The following TRAF3 variants were observed in gnomAD, a reference collection of about 807,000 sequenced individuals.
TRAF3 encodes TNF receptor-associated factor 3.
TRAF3 carries 13 observed loss-of-function variants against 62.3 expected under a neutral mutation model. The observed-to-expected ratio is 0.21, with a 90% confidence interval of 0.14 to 0.33. TRAF3 has a LOEUF of 0.33. Ranked by LOEUF, TRAF3 falls within the 10% of genes least tolerant of loss-of-function variation. The pLI, the probability that TRAF3 is intolerant of heterozygous loss-of-function variation, is 1.00. For synonymous variants in TRAF3, 269 were observed against 283.4 expected (o/e 0.95, Z 0.51); for missense variants, 440 against 741.8 (o/e 0.59, Z 4.73).
At chr14:102,812,265 C>G (rs1056783369) in intron 1 of TRAF3, among the ~76,000 whole-genome samples, 7 of 151,982 alleles carry the variant, frequency 4.6e-5, no homozygotes, top group Admixed American at 1.3e-4. Context: ...GTTTAACTTT[C>G]TGTTTTTGGC....
chr14:102,799,029 T>C (rs12436181), intron 1 of TRAF3, among the ~76,000 whole-genome samples: 77,586 of 152,100 alleles, frequency 0.51, 22,563 homozygotes, highest in South Asian at 0.74. Flanking sequence ...TTTAACCAAA[T>C]GAGCTTCTGC....
chr14:102,856,637 A>T (rs1197161589), intron 2 of TRAF3, among the ~76,000 whole-genome samples: 1 of 152,066 alleles, frequency 6.6e-6, no homozygotes, highest in Admixed American at 6.6e-5. Context: ...ACCTCCTGGG[A>T]ATGTAGCCCA....
At chr14:102,871,751 C>G (rs1485186617) in intron 3 of TRAF3, among the ~76,000 whole-genome samples, 166 bp from the exon 4 acceptor site, 2 of 152,198 alleles carry the variant, frequency 1.3e-5, no homozygotes, top group Non-Finnish European at 2.9e-5. Flanking sequence ...GCCCTTTTCT[C>G]CCATGGCTTC....
At chr14:102,822,138 C>A (rs185741914) in intron 1 of TRAF3, among the ~76,000 whole-genome samples, 1 of 151,892 alleles carries the variant, frequency 6.6e-6, no homozygotes, top group African/African-American at 2.4e-5. Context: ...ATGTTTTCTT[C>A]GGGATTAAAA....
Position 102,897,001 on chromosome 14 carries a change from G to A in TRAF3, c.820-260G>A, listed in dbSNP as rs537147742. 9.2e-5 allele frequency among the ~76,000 whole-genome samples: 14 copies of A among 152,272 alleles called. No homozygotes were observed. In the South Asian group the frequency reaches 2.7e-3, roughly 29 times the overall value. ...AAGTGGGAGGATCACTTGAGCCCAG[G>A]AGGTCAAGGCTGCAGTGAGCTATGA... On this transcript the variant is annotated intron_variant, in intron 9 of 11. Coordinates refer to ENST00000392745, the MANE Select transcript of TRAF3 (RefSeq NM_145725.3).
intron 1 of TRAF3, among the ~76,000 whole-genome samples, chr14:102,804,574 A>G (rs1399205190): frequency 2.0e-5 from 3 of 151,956 alleles, no homozygotes; most frequent in Non-Finnish European, 1.5e-5. Context: ...AGGAGCATCA[A>G]CCTCCTGGGC....
At chr14:102,783,715 T>G (rs1316817902) in intron 1 of TRAF3, among the ~76,000 whole-genome samples, 2 of 152,226 alleles carry the variant, frequency 1.3e-5, no homozygotes, top group African/African-American at 4.8e-5. Context: ...AATCCCACTG[T>G]GTATCCCTGG....
chr14:102,854,378 C>T (rs1887236073), intron 2 of TRAF3, among the ~76,000 whole-genome samples: 1 of 152,198 alleles, frequency 6.6e-6, no homozygotes, highest in Non-Finnish European at 1.5e-5. Context: ...ACAAGGGCTG[C>T]ACCATTTTAC....
rs951338381 is a variant in TRAF3, at chr14:102,904,953, A to G, written c.1136-260A>G. On this transcript the variant is annotated intron_variant, in intron 11 of 11. Transcript: ENST00000392745. ...ATGGCGAAACCCTGTCCCTACTAAAAATACAAAAATTAGCCAGGCGTGGTG... is the reference window on the plus strand; with the variant it reads ...ATGGCGAAACCCTGTCCCTACTAAAGATACAAAAATTAGCCAGGCGTGGTG... Among the ~76,000 whole-genome samples, 4 of 152,032 alleles carry G rather than the reference A, an allele frequency of 2.6e-5. No homozygotes were observed. In the South Asian group the frequency reaches 8.3e-4, roughly 32 times the overall value.
intron 1 of TRAF3, among the ~76,000 whole-genome samples, chr14:102,784,793 T>G (rs1024258771): frequency 2.0e-5 from 3 of 152,046 alleles, no homozygotes; most frequent in Non-Finnish European, 4.4e-5. Context: ...CAACCTGGGT[T>G]AGGAGGAGGC....
In TRAF3 at chr14:102,910,696, G is replaced by A. The variant is rs1411127395; in HGVS notation, c.*4912G>A. On this transcript the variant is annotated 3_prime_UTR_variant, in exon 12 of 12. Transcript: ENST00000392745. ...GCCGTCTCGGGGCTGGCAGGTGTGC[G>A]GGTGAGGAGGCCCCGGTGGCCAAGC... is the stretch of plus-strand genomic sequence containing the variant. 5 of 152,342 alleles carry A rather than the reference G, an allele frequency of 3.3e-5. No homozygotes were observed. Among genetic ancestry groups the A allele is most frequent in the South Asian group, 4.1e-4 (2 of 4,838 alleles). The allele number at this position is 152,342 out of a possible 1,614,324, so 9.4% of individuals were successfully genotyped here. A position where few individuals can be genotyped will look rare whatever the true frequency, so the allele number is the denominator to read the frequency against.
At chr14:102,868,598 T>C (rs1888147108) in intron 2 of TRAF3, among the ~76,000 whole-genome samples, 1 of 152,218 alleles carries the variant, frequency 6.6e-6, no homozygotes, top group Non-Finnish European at 1.5e-5. Flanking sequence ...CTGGCCGACA[T>C]TCCCAAGGTT....
rs1009662947 is a variant in TRAF3 at position 102,822,772 on chromosome 14, A to G, written c.-156-7562A>G. 2.6e-5 allele frequency among the ~76,000 whole-genome samples: 4 copies of G among 152,160 alleles called. No individual in the cohort carries two copies. The East Asian group carries it at 5.8e-4, about 22-fold the overall frequency. ...TGTAATCCCAGCACTTTGGGAGGTG[A>G]AGGCGGGTGGATCACCTGAGGTCAG... is the stretch of plus-strand genomic sequence containing the variant. On this transcript the variant is annotated intron_variant, in intron 1 of 11. Coordinates refer to ENST00000392745, the MANE Select transcript of TRAF3 (RefSeq NM_145725.3).
chr14:102,884,471 A>G (rs1372593522), intron 6 of TRAF3, among the ~76,000 whole-genome samples: 1 of 152,198 alleles, frequency 6.6e-6, no homozygotes, highest in Non-Finnish European at 1.5e-5. Flanking sequence ...TCACAGGAAA[A>G]GAAATAGAAA....
chr14:102,905,898 C>A lies in TRAF3; in HGVS notation c.*114C>A, dbSNP rs908700525. ...AAAGGACCTTGTGAGACGGAGGAAG[C>A]GGCAGAAGGCGGACGCGTGCCGGCG... On this transcript the variant is annotated 3_prime_UTR_variant, in exon 12 of 12. Transcript: ENST00000392745. The A allele has an allele frequency of 4.6e-5, 45 of 982,568 alleles. No individual in the cohort carries two copies. The highest frequency in any genetic ancestry group is 1.0e-5 in the Non-Finnish European group (7 of 666,844). The allele number at this position is 982,568 out of a possible 1,614,324, so 60.9% of individuals were successfully genotyped here.
In TRAF3 at chr14:102,871,436, C is replaced by T. The variant is rs563349235; in HGVS notation, c.246-481C>T. ...CTTCCCGGTGGAGGAGGGGCTGGAGCCCCCATATATGGTGGGCCACAGGGG... is the reference window on the plus strand; with the variant it reads ...CTTCCCGGTGGAGGAGGGGCTGGAGTCCCCATATATGGTGGGCCACAGGGG... On this transcript the variant is annotated intron_variant, in intron 3 of 11. Coordinates refer to ENST00000392745, the MANE Select transcript of TRAF3 (RefSeq NM_145725.3). Among the ~76,000 whole-genome samples, 8 of 152,286 alleles carry T rather than the reference C, an allele frequency of 5.3e-5. No homozygotes were observed. The East Asian group carries it at 1.4e-3, about 26-fold the overall frequency.
chr14:102,846,115 C>T (rs1254794207), intron 2 of TRAF3, among the ~76,000 whole-genome samples: 1 of 151,102 alleles, frequency 6.6e-6, no homozygotes, highest in African/African-American at 2.4e-5. Context: ...TGGGAGTGCA[C>T]ATTACAGCTG....
intron 1 of TRAF3, among the ~76,000 whole-genome samples, chr14:102,825,613 G>A (rs1900262050): frequency 6.6e-6 from 1 of 152,238 alleles, no homozygotes; most frequent in Non-Finnish European, 1.5e-5. Context: ...GCTACGCTTG[G>A]GCTTCTGGCC....
intron 1 of TRAF3, among the ~76,000 whole-genome samples, chr14:102,827,285 C>T (rs186912236): frequency 2.0e-5 from 3 of 152,324 alleles, no homozygotes; most frequent in Non-Finnish European, 2.9e-5. Context: ...CCTAGAGCAC[C>T]GGTGCCCGCC....
Sources: gnomAD v4.1 joint callset for allele counts (sites outside exome capture counted in the v4.1 genomes callset) on GRCh38, gnomAD v4.1.1 for gene constraint, MANE v1.5 for transcripts, NCBI Gene and HGNC (gene_info 2026-07-23, HGNC 2026-07-21) for gene names.